The following AKAP6 variants were observed in gnomAD, a reference collection of about 807,000 sequenced individuals.
AKAP6 encodes the protein A-kinase anchor protein 6.
AKAP6 carries 58 observed loss-of-function variants against 188.5 expected under a neutral mutation model. The observed-to-expected ratio is 0.31, with a 90% CI of 0.25 to 0.38. AKAP6 has a LOEUF of 0.38. AKAP6 is among the 10% of genes least tolerant of loss of function. The pLI is 1.00. For missense variants in AKAP6, 2,710 were observed against 2,740.0 expected (o/e 0.99, Z 0.24); for synonymous variants, 989 against 998.6 (o/e 0.99, Z 0.18).
chr14:32,824,010 T>C lies in AKAP6; in HGVS notation c.6197T>C (p.Met2066Thr), dbSNP rs746277537. ...VHNFVKEIID[M>T]ASTALKSKSQ... Reference sequence around the variant, plus strand: ...AACTTTGTTAAGGAAATCATTGACATGGCTTCGACAGCCCTAAAAAGTAAA... The same window carrying C: ...AACTTTGTTAAGGAAATCATTGACACGGCTTCGACAGCCCTAAAAAGTAAA... The change falls in exon 13 of 14, where the codon ATG becomes ACG. Residue 2066 changes from methionine to threonine, a missense_variant. Transcript: ENST00000280979. The C allele has an allele frequency of 1.2e-5, 19 of 1,613,940 alleles. No individual in the cohort carries two copies. The highest frequency in any genetic ancestry group is 1.7e-4 in the Middle Eastern group (1 of 6,058).
At chr14:32,350,249 C>G (rs1000176403) in intron 1 of AKAP6, among the ~76,000 whole-genome samples, 1 of 152,110 alleles carries the variant, frequency 6.6e-6, no homozygotes. Flanking sequence ...GTTGATGTCA[C>G]CATTGATGTT....
intron 2 of AKAP6, among the ~76,000 whole-genome samples, chr14:32,486,011 G>A (rs577824253): frequency 1.3e-5 from 2 of 152,242 alleles, no homozygotes; most frequent in Admixed American, 6.5e-5. Flanking sequence ...GTAAGGAAGG[G>A]GTCTAGTTTC....
chr14:32,696,178 C>G (rs999209974), intron 9 of AKAP6, 68 bp downstream of exon 9: 1 of 1,533,382 alleles, frequency 6.5e-7, no homozygotes, highest in African/African-American at 1.4e-5. Flanking sequence ...GTCTCTCTCT[C>G]TCTCTCAGGA....
chr14:32,757,228 C>A (rs2032370929), intron 11 of AKAP6, among the ~76,000 whole-genome samples: 2 of 152,170 alleles, frequency 1.3e-5, no homozygotes, highest in Admixed American at 1.3e-4. Context: ...GTTTCCTTAG[C>A]TCTTGTGAAG....
chr14:32,740,807 G>A (rs2031637276), intron 11 of AKAP6, among the ~76,000 whole-genome samples: 1 of 151,888 alleles, frequency 6.6e-6, no homozygotes, highest in Non-Finnish European at 1.5e-5. Flanking sequence ...CAGGTATACA[G>A]TTTTATTCTT....
At chr14:32,716,905 C>T (rs1193429985) in intron 9 of AKAP6, among the ~76,000 whole-genome samples, 2 of 152,030 alleles carry the variant, frequency 1.3e-5, no homozygotes, top group Non-Finnish European at 2.9e-5. Context: ...TCAAAGACTT[C>T]TTATTAATGG....
At chr14:32,369,184 A>G (rs978050929) in intron 1 of AKAP6, among the ~76,000 whole-genome samples, 1 of 152,196 alleles carries the variant, frequency 6.6e-6, no homozygotes, top group East Asian at 1.9e-4. Flanking sequence ...GATAGCCAGG[A>G]CTGCTACCAA....
At position 32,475,597 on chromosome 14, in the gene AKAP6, G is replaced by A. The variant is rs144081975; in HGVS notation, c.324+41780G>A. 9.7e-3 allele frequency among the ~76,000 whole-genome samples: 1,472 copies of A among 152,070 alleles called. 25 individuals are homozygous for A. The highest frequency in any genetic ancestry group is 0.034 in the African/African-American group (1,393 of 41,480). ...AAAACCAGCTTCTCTTTGCAGCACT[G>A]GCATGCAACCAACCTGCTCACCTGC... On this transcript the variant is annotated intron_variant, in intron 2 of 13. Transcript: ENST00000280979.
intron 1 of AKAP6, among the ~76,000 whole-genome samples, chr14:32,402,634 G>A (rs905837469): frequency 2.0e-5 from 3 of 151,980 alleles, no homozygotes; most frequent in African/African-American, 7.3e-5. Flanking sequence ...TTGAAGGCAG[G>A]GATTATATAA....
At chr14:32,396,076 A>G (rs1424678117) in intron 1 of AKAP6, among the ~76,000 whole-genome samples, 3 of 152,206 alleles carry the variant, frequency 2.0e-5, no homozygotes, top group Non-Finnish European at 4.4e-5. Context: ...AGAAATGATC[A>G]AAAGACTGCT....
chr14:32,467,951 C>G (rs1166769340), intron 2 of AKAP6, among the ~76,000 whole-genome samples: 1 of 151,810 alleles, frequency 6.6e-6, no homozygotes, highest in Non-Finnish European at 1.5e-5. Context: ...CCCTTTTCTC[C>G]CTAGTCTTTG....
chr14:32,638,556 A>G (rs1481689129), intron 7 of AKAP6, among the ~76,000 whole-genome samples: 1 of 152,134 alleles, frequency 6.6e-6, no homozygotes, highest in East Asian at 1.9e-4. Flanking sequence ...TTTTTGTTAA[A>G]TAACTGCTGC....
At chr14:32,542,125 T>C (rs1390934860) in intron 3 of AKAP6, among the ~76,000 whole-genome samples, 2 of 152,234 alleles carry the variant, frequency 1.3e-5, no homozygotes, top group Non-Finnish European at 2.9e-5. Context: ...TGGCTTATCA[T>C]TTCCTTTTTA....
chr14:32,514,915 T>G (rs946329486), intron 2 of AKAP6, among the ~76,000 whole-genome samples: 1 of 152,154 alleles, frequency 6.6e-6, no homozygotes, highest in African/African-American at 2.4e-5. Context: ...GGTCTTAACT[T>G]TCATTCTGAA....
intron 2 of AKAP6, among the ~76,000 whole-genome samples, chr14:32,480,771 A>C (rs1879301706): frequency 6.6e-6 from 1 of 152,090 alleles, no homozygotes; most frequent in Non-Finnish European, 1.5e-5. Context: ...GATTCTTCTT[A>C]TTCTCCTTGG....
intron 5 of AKAP6, among the ~76,000 whole-genome samples, chr14:32,583,710 CTT>C (rs1460210084): frequency 3.3e-5 from 5 of 152,214 alleles, no homozygotes; most frequent in African/African-American, 1.2e-4. Context: ...TCGCTGCTGC[CTT>C]GCAGTTTGAT....
At chr14:32,576,008 T>C (rs1382565620) in intron 4 of AKAP6, among the ~76,000 whole-genome samples, 2 of 152,148 alleles carry the variant, frequency 1.3e-5, no homozygotes, top group Non-Finnish European at 2.9e-5. Context: ...TTTGAGGTAA[T>C]CTAATTGCTT....
intron 1 of AKAP6, among the ~76,000 whole-genome samples, chr14:32,341,415 A>T (rs186175129): frequency 1.2e-4 from 19 of 152,340 alleles, no homozygotes; most frequent in African/African-American, 4.1e-4. Context: ...GTTTCATGAT[A>T]CTTTGATAAC....
chr14:32,735,592 T>A lies in AKAP6; in HGVS notation c.3148-66T>A, dbSNP rs1393036864. 4.0e-5 allele frequency: 51 copies of A among 1,282,700 alleles called. No homozygotes were observed. In the Admixed American group the frequency reaches 1.3e-3, roughly 31 times the overall value. The allele number at this position is 1,282,700 out of a possible 1,614,324, so 79.5% of individuals were successfully genotyped here. A position where few individuals can be genotyped will look rare whatever the true frequency, so the allele number is the denominator to read the frequency against. ...TAAGTTAATCTATGTTTTTGTTTTT[T>A]TGTTGTTCGTGGGGTTTTTTTTTGT... On this transcript the variant is annotated intron_variant, in intron 10 of 13. Coordinates refer to ENST00000280979, the MANE Select transcript of AKAP6 (RefSeq NM_004274.5).
Sources: gnomAD v4.1 joint callset for allele counts (sites outside exome capture counted in the v4.1 genomes callset) on GRCh38, gnomAD v4.1.1 for gene constraint, MANE v1.5 for transcripts, NCBI Gene and HGNC (gene_info 2026-07-23, HGNC 2026-07-21) for gene names.